The following EDARADD variants were observed in gnomAD, a reference collection of about 807,000 sequenced individuals.
The protein encoded by EDARADD is EDAR associated via death domain.
In EDARADD, 20 loss-of-function variants were observed where a neutral mutation model predicts 25.6. That is an observed-to-expected ratio of 0.78 (90% CI 0.55 to 1.14). The LOEUF is 1.14. Ranked by LOEUF, EDARADD falls within the 50% of genes most tolerant of loss-of-function variation. The pLI is 0.00. For synonymous variants in EDARADD, 86 were observed against 94.4 expected, an observed-to-expected ratio of 0.91 and a Z score of 0.52; for missense variants, 225 against 270.1, an observed-to-expected ratio of 0.83 and a Z score of 1.17.
At chr1:236,379,035 A>AT (rs1667262175) in intron 3 of EDARADD, among the ~76,000 whole-genome samples, 1 of 151,730 alleles carries the variant, frequency 6.6e-6, no homozygotes, top group Non-Finnish European at 1.5e-5. Context: ...TAAAAAAAAA[A>AT]TCTGAGGAAA....
chr1:236,379,821 C>T (rs1050731676), intron 3 of EDARADD, among the ~76,000 whole-genome samples: 1 of 152,110 alleles, frequency 6.6e-6, no homozygotes, highest in Non-Finnish European at 1.5e-5. Context: ...AAATTGAATG[C>T]AAATTCTTAA....
intron 4 of EDARADD, among the ~76,000 whole-genome samples, chr1:236,463,728 C>G (rs569530999): frequency 5.9e-5 from 9 of 152,210 alleles, no homozygotes; most frequent in Non-Finnish European, 1.2e-4. Context: ...CGGTAACTCC[C>G]CATTCCCCAT....
intron 4 of EDARADD, among the ~76,000 whole-genome samples, chr1:236,457,919 A>G (rs937956257): frequency 8.6e-5 from 13 of 151,984 alleles, no homozygotes; most frequent in Admixed American, 6.6e-5. Flanking sequence ...AGAGAAGTTT[A>G]TTAATAATGA....
chr1:236,409,744 G>C (rs1468039479), intron 2 of EDARADD, among the ~76,000 whole-genome samples: 1 of 140,088 alleles, frequency 7.1e-6, no homozygotes, highest in East Asian at 2.0e-4. Context: ...TTTTTTTTTT[G>C]GTAGAGTGGG....
chr1:236,472,089 A>AT (rs1291791595), intron 5 of EDARADD, among the ~76,000 whole-genome samples: 1 of 152,056 alleles, frequency 6.6e-6, no homozygotes, highest in Non-Finnish European at 1.5e-5. Context: ...TTACAGTATA[A>AT]TTTTAAAATA....
intron 4 of EDARADD, among the ~76,000 whole-genome samples, chr1:236,446,784 GA>G (rs1001807224): frequency 2.6e-5 from 4 of 152,196 alleles, no homozygotes; most frequent in Non-Finnish European, 5.9e-5. Context: ...TCAAAAAGTT[GA>G]AAGAGCCCTG....
rs75234285 is a variant in EDARADD at position 236,480,366 on chromosome 1, C to G, written c.266-1901C>G. ...TGAAACTTAATAATGTAAATAACACCGTGATAACAATGTTTATGTAAATTC... is the reference window on the plus strand; with the variant it reads ...TGAAACTTAATAATGTAAATAACACGGTGATAACAATGTTTATGTAAATTC... On this transcript the variant is annotated intron_variant, in intron 5 of 5. Transcript: ENST00000334232. Among the ~76,000 whole-genome samples the G allele has an allele frequency of 2.6e-3, 390 of 151,850 alleles. 2 individuals carry two copies. Among genetic ancestry groups the G allele is most frequent in the Non-Finnish European group, 4.4e-3 (299 of 67,956 alleles).
chr1:236,422,962 C>T lies in EDARADD; in HGVS notation c.161-4430C>T, dbSNP rs546089225. The stretch of plus-strand genomic sequence containing the variant: ...TCTATTTCCAAGAGAGCCCAGTATG[C>T]AGCTAGCAGTTGCTGCTCTAATAAT... On this transcript the variant is annotated intron_variant, in intron 3 of 5. Coordinates refer to ENST00000334232, the MANE Select transcript of EDARADD (RefSeq NM_145861.4). 5.3e-5 allele frequency among the ~76,000 whole-genome samples: 8 copies of T among 152,344 alleles called. No individual in the cohort carries two copies. The South Asian group carries it at 1.4e-3, about 28-fold the overall frequency.
At chr1:236,391,867 C>T (rs527581542), upstream of EDARADD, among the ~76,000 whole-genome samples, 1 of 152,274 alleles carries the variant, frequency 6.6e-6, no homozygotes, top group East Asian at 1.9e-4. Context: ...AGCCTTGTGC[C>T]CATGAGTTAA....
At chr1:236,413,784 C>T (rs930210376) in intron 2 of EDARADD, among the ~76,000 whole-genome samples, 2 of 152,166 alleles carry the variant, frequency 1.3e-5, no homozygotes, top group Non-Finnish European at 2.9e-5. Context: ...GATCTTTGTG[C>T]AGTCAGTAGG....
rs1659704201 is a variant in EDARADD at position 236,482,413 on chromosome 1, A to G, written c.412A>G (p.Asn138Asp). 2 of 1,614,148 alleles carry G rather than the reference A, an allele frequency of 1.2e-6. No individual in the cohort carries two copies. The highest frequency in any genetic ancestry group is 4.5e-5 in the East Asian group (2 of 44,880). ...KLDPCHPTVK[N>D]WRNFASKWGM... ...GGATCCGTGTCACCCAACGGTGAAA[A>G]ACTGGAGGAATTTTGCAAGCAAATG... The change falls in exon 6 of 6, where the codon AAC becomes GAC. Residue 138 changes from asparagine to aspartate, a missense_variant. Physicochemically the swap from Asn to Asp is conservative, Grantham distance 23. Coordinates refer to ENST00000334232, the MANE Select transcript of EDARADD (RefSeq NM_145861.4).
At chr1:236,384,790 A>G (rs1667333704) in intron 3 of EDARADD, among the ~76,000 whole-genome samples, 1 of 152,158 alleles carries the variant, frequency 6.6e-6, no homozygotes, top group African/African-American at 2.4e-5. Context: ...TGGACCTTCC[A>G]AAGCTCCTGG....
intron 4 of EDARADD, 120 bp downstream of exon 4, chr1:236,427,570 G>C (rs1033998578): frequency 1.6e-5 from 16 of 990,784 alleles, no homozygotes; most frequent in African/African-American, 3.3e-5. Context: ...ATCATAAACA[G>C]GGTTTGCAAA....
chr1:236,484,014 A>C lies in EDARADD; in HGVS notation c.*1365A>C. 1 of 1,482,818 alleles carries C rather than the reference A, an allele frequency of 6.7e-7. No individual in the cohort carries two copies. Among genetic ancestry groups the C allele is most frequent in the South Asian group, 1.1e-5 (1 of 88,408 alleles). The allele number at this position is 1,482,818 out of a possible 1,614,324, so 91.9% of individuals were successfully genotyped here. A position where few individuals can be genotyped will look rare whatever the true frequency, so the allele number is the denominator to read the frequency against. ...TCTGGCTGACCTGTACAAGTCCTTCATCAAAAACTACCCAGTGGTGTCTAC... is the reference window on the plus strand; with the variant it reads ...TCTGGCTGACCTGTACAAGTCCTTCCTCAAAAACTACCCAGTGGTGTCTAC... On this transcript the variant is annotated 3_prime_UTR_variant, in exon 6 of 6. Coordinates refer to ENST00000334232, the MANE Select transcript of EDARADD (RefSeq NM_145861.4). This position sits in a 1 kb window ranked among gnomAD's most constrained non-coding sequence, Gnocchi z 4.1.
intron 3 of EDARADD, among the ~76,000 whole-genome samples, chr1:236,423,682 A>C (rs750325505): frequency 1.3e-5 from 2 of 152,232 alleles, no homozygotes; most frequent in African/African-American, 2.4e-5. Context: ...ATAGTCACTG[A>C]ACAGAACATA....
At chr1:236,415,444 TTTATTA>T (rs562128655) in intron 3 of EDARADD, among the ~76,000 whole-genome samples, 8 of 152,072 alleles carry the variant, frequency 5.3e-5, no homozygotes, top group African/African-American at 1.9e-4. Flanking sequence ...ATGTTCCTTT[TTTATTA>T]TTATTATTTT....
intron 4 of EDARADD, among the ~76,000 whole-genome samples, chr1:236,433,051 GAT>G (rs143118258): frequency 6.6e-6 from 1 of 151,858 alleles, no homozygotes; most frequent in African/African-American, 2.4e-5. Context: ...CTGGGGATAG[GAT>G]ATATATATAG....
chr1:236,395,480 G>T lies in EDARADD; in HGVS notation c.61+975G>T. On this transcript the variant is annotated intron_variant, in intron 1 of 5. Coordinates refer to ENST00000334232, the MANE Select transcript of EDARADD (RefSeq NM_145861.4). The surrounding 1 kb of genome is among the most constrained non-coding windows in gnomAD (Gnocchi z 6.9). ...GGAGGAGAAGAAGAAGGGAGGGGAA[G>T]GCGGAGGAGGGCAGGGGCGCGCAGA... 1 of 1,507,246 alleles carries T rather than the reference G, an allele frequency of 6.6e-7. No homozygotes were observed. The highest frequency in any genetic ancestry group is 1.2e-5 in the South Asian group (1 of 81,044). 93.4% of individuals were successfully genotyped at this position (1,507,246 alleles called of 1,614,324 possible).
chr1:236,351,716 A>G (rs1008807229), intron 3 of EDARADD, among the ~76,000 whole-genome samples: 2 of 152,106 alleles, frequency 1.3e-5, no homozygotes, highest in African/African-American at 4.8e-5. Flanking sequence ...CTCAAAAAAA[A>G]AAAAAAAAGA....
Sources: gnomAD v4.1 joint callset for allele counts (sites outside exome capture counted in the v4.1 genomes callset) on GRCh38, gnomAD v4.1.1 for gene constraint, Gnocchi (gnomAD v3.1) non-coding constraint, MANE v1.5 for transcripts, NCBI Gene and HGNC (gene_info 2026-07-23, HGNC 2026-07-21) for gene names.